Variants in KLHL1 observed in about 807,000 individuals in gnomAD.
KLHL1 encodes the protein kelch like family member 1.
KLHL1 carries 47 observed loss-of-function variants against 77.7 expected under a neutral mutation model. That is an observed-to-expected ratio of 0.60 (90% CI 0.48 to 0.77). KLHL1 has a LOEUF of 0.77. KLHL1 is among the 30% of genes least tolerant of loss of function. The probability of loss-of-function intolerance (pLI) is 0.00; values close to 1 mark genes in which losing one functional copy is unlikely to be tolerated. For synonymous variants in KLHL1, 360 were observed against 325.2 expected (o/e 1.11, Z -1.15); for missense variants, 925 against 910.8 (o/e 1.02, Z -0.20).
intron 1 of KLHL1, among the ~76,000 whole-genome samples, chr13:69,981,128 GAAAC>G (rs1283111972): frequency 3.3e-5 from 5 of 151,970 alleles, no homozygotes; most frequent in Non-Finnish European, 7.4e-5. Context: ...GAGCTCATGA[GAAAC>G]AAACAAACAA....
intron 7 of KLHL1, among the ~76,000 whole-genome samples, chr13:69,755,885 C>G (rs375958962): frequency 1.6e-4 from 25 of 151,580 alleles, no homozygotes; most frequent in East Asian, 9.6e-4. Context: ...TGTTTGCATT[C>G]AGCCTAATCA....
At chr13:69,976,081 C>T (rs1303225304) in intron 1 of KLHL1, among the ~76,000 whole-genome samples, 3 of 151,940 alleles carry the variant, frequency 2.0e-5, no homozygotes, top group South Asian at 4.2e-4. Flanking sequence ...AGTTAGTAAA[C>T]CTGAAATCTC....
At chr13:69,782,456 C>T (rs1876276194) in intron 7 of KLHL1, among the ~76,000 whole-genome samples, 1 of 152,186 alleles carries the variant, frequency 6.6e-6, no homozygotes, top group South Asian at 2.1e-4. Flanking sequence ...TCGGGTCACT[C>T]CCACCCTAAT....
At chr13:69,960,913 GT>G (rs1448066305) in intron 3 of KLHL1, among the ~76,000 whole-genome samples, 1 of 151,812 alleles carries the variant, frequency 6.6e-6, no homozygotes, top group Admixed American at 6.6e-5. Context: ...AAATTTTTAC[GT>G]TAAAGTAACA....
At chr13:69,866,047 T>C (rs140312627) in intron 5 of KLHL1, among the ~76,000 whole-genome samples, 1,536 of 152,254 alleles carry the variant, frequency 0.01, 12 homozygotes, top group Middle Eastern at 0.044. Context: ...TGACTACTCA[T>C]TGAAACAAGA....
chr13:69,915,240 T>C (rs9542113), intron 4 of KLHL1, among the ~76,000 whole-genome samples: 1 of 151,310 alleles, frequency 6.6e-6, no homozygotes, highest in Non-Finnish European at 1.5e-5. Context: ...TGGAAAAAAC[T>C]ACTTTCAAGT....
intron 6 of KLHL1, among the ~76,000 whole-genome samples, chr13:69,812,303 C>T (rs1349796859): frequency 1.3e-5 from 2 of 152,006 alleles, no homozygotes; most frequent in Non-Finnish European, 2.9e-5. Flanking sequence ...TACTTCCTTA[C>T]ACCTTATACA....
chr13:70,010,030 AG>A (rs1413232755), intron 1 of KLHL1, among the ~76,000 whole-genome samples: 1 of 151,992 alleles, frequency 6.6e-6, no homozygotes, highest in East Asian at 1.9e-4. Flanking sequence ...TACAAGAAGG[AG>A]AAAAAAAAAA....
In KLHL1 at chr13:69,894,956, A is replaced by C; in HGVS notation, c.1015-12461T>G. 4.3e-6 allele frequency: 2 copies of C among 469,078 alleles called. 1 individual carries two copies. Among genetic ancestry groups the C allele is most frequent in the South Asian group, 3.3e-5 (2 of 60,544 alleles). 29.1% of individuals were successfully genotyped at this position (469,078 alleles called of 1,614,324 possible). A position where few individuals can be genotyped will look rare whatever the true frequency, so the allele number is the denominator to read the frequency against. ...GGTTCCAGCAGATCCTTGTCTACAA[A>C]TGACAGAATGCTGATGTAGTGTTCT... On this transcript the variant is annotated intron_variant, in intron 4 of 10. Transcript: ENST00000377844.
intron 6 of KLHL1, among the ~76,000 whole-genome samples, chr13:69,815,717 A>T (rs931820395): frequency 4.1e-5 from 6 of 146,284 alleles, no homozygotes; most frequent in Non-Finnish European, 9.4e-5. Context: ...AAATTTTTTA[A>T]AAAAGCCGTA....
intron 1 of KLHL1, among the ~76,000 whole-genome samples, chr13:70,037,833 GT>G (rs1379725148): frequency 6.6e-6 from 1 of 151,788 alleles, no homozygotes; most frequent in Non-Finnish European, 1.5e-5. Flanking sequence ...TATGTTGAGG[GT>G]TTTTTTGCCA....
At chr13:69,855,840 G>A (rs75813804) in intron 5 of KLHL1, among the ~76,000 whole-genome samples, 23,414 of 141,688 alleles carry the variant, frequency 0.17, 2,402 homozygotes, top group African/African-American at 0.29. Flanking sequence ...TTATATATAC[G>A]GTATTATATA....
At chr13:69,974,615 A>G (rs1367924298) in intron 2 of KLHL1, among the ~76,000 whole-genome samples, 1 of 151,988 alleles carries the variant, frequency 6.6e-6, no homozygotes, top group Non-Finnish European at 1.5e-5. Flanking sequence ...GTGTTAATAT[A>G]TTTTTGAGTT....
intron 3 of KLHL1, among the ~76,000 whole-genome samples, chr13:69,941,528 T>A (rs1465221523): frequency 6.6e-6 from 1 of 151,818 alleles, no homozygotes; most frequent in Non-Finnish European, 1.5e-5. Flanking sequence ...AAATAGAGAA[T>A]CTAGGGTCAC....
chr13:69,916,185 T>C (rs1882428931), intron 4 of KLHL1, among the ~76,000 whole-genome samples: 1 of 152,086 alleles, frequency 6.6e-6, no homozygotes. Flanking sequence ...AGTGTGGCGA[T>C]TCCTCAGGGA....
chr13:70,001,471 T>C (rs1885285376), intron 1 of KLHL1, among the ~76,000 whole-genome samples: 1 of 151,166 alleles, frequency 6.6e-6, no homozygotes, highest in South Asian at 2.1e-4. Flanking sequence ...ATCGCACATA[T>C]AAAATGGATT....
chr13:69,792,199 G>T (rs780018038), intron 7 of KLHL1, among the ~76,000 whole-genome samples: 1 of 151,882 alleles, frequency 6.6e-6, no homozygotes, highest in Non-Finnish European at 1.5e-5. Context: ...GTATCAAAAC[G>T]TAAAAGGAAC....
intron 7 of KLHL1, among the ~76,000 whole-genome samples, chr13:69,751,588 A>T (rs1874482952): frequency 1.3e-5 from 2 of 152,114 alleles, no homozygotes; most frequent in Non-Finnish European, 2.9e-5. Context: ...CGATGTGGCA[A>T]GAAAACTGGA....
intron 5 of KLHL1, among the ~76,000 whole-genome samples, chr13:69,871,721 GC>G (rs969895577): frequency 1.3e-5 from 2 of 149,912 alleles, no homozygotes; most frequent in Non-Finnish European, 3.0e-5. Flanking sequence ...ACACAATTCG[GC>G]CAACTTTTTT....
Sources: gnomAD v4.1 joint callset for allele counts (sites outside exome capture counted in the v4.1 genomes callset) on GRCh38, gnomAD v4.1.1 for gene constraint, MANE v1.5 for transcripts, NCBI Gene and HGNC (gene_info 2026-07-23, HGNC 2026-07-21) for gene names.